The following IL1RN variants were observed in gnomAD, a reference collection of about 807,000 sequenced individuals.
The protein encoded by IL1RN is interleukin-1 receptor antagonist protein.
Under a neutral mutation model 13.7 loss-of-function variants are expected in IL1RN, and 10 were observed. That is an observed-to-expected ratio of 0.73 (90% CI 0.45 to 1.24). The LOEUF (loss-of-function observed/expected upper bound fraction) is 1.24, where lower values mean the gene tolerates loss of function less well. Ranked by LOEUF, IL1RN falls within the 50% of genes most tolerant of loss-of-function variation. IL1RN has a pLI of 0.00. For missense variants in IL1RN, 213 were observed against 222.1 expected (o/e 0.96, Z 0.26); for synonymous variants, 102 against 82.7 (o/e 1.23, Z -1.27).
chr2:113,114,407 C>T (rs1686553404), upstream of IL1RN, among the ~76,000 whole-genome samples: 1 of 26,016 alleles, frequency 3.8e-5, no homozygotes, highest in Non-Finnish European at 1.1e-4. Context: ...AGGCAGCTGC[C>T]CACCGTTAAG....
rs897212047 is a variant in IL1RN, at chr2:113,132,902, G to A, written c.*31G>A. ...CCCAGGCCTGCCTGTTCCCATTCTT[G>A]CATGGCAAGGACTGCAGGGACTGCC... is the stretch of plus-strand genomic sequence containing the variant. On this transcript the variant is annotated 3_prime_UTR_variant, in exon 4 of 4. Coordinates refer to ENST00000409930, the MANE Select transcript of IL1RN (RefSeq NM_173842.3). 6.2e-6 allele frequency: 10 copies of A among 1,603,522 alleles called. No individual in the cohort carries two copies. The African/African-American group carries it at 8.0e-5, about 13-fold the overall frequency.
At chr2:113,129,712 T>C (rs779287017) in intron 2 of IL1RN, 48 bp downstream of exon 2, 18 of 1,219,720 alleles carry the variant, frequency 1.5e-5, no homozygotes, top group Non-Finnish European at 2.1e-5. Flanking sequence ...CACGTCACTT[T>C]GCCCGTCTGT....
upstream of IL1RN, among the ~76,000 whole-genome samples, chr2:113,114,207 C>A (rs1436198909): frequency 6.6e-6 from 1 of 152,194 alleles, no homozygotes; most frequent in African/African-American, 2.4e-5. Context: ...TGTTATCATT[C>A]CTGCCTCTAT....
intron 1 of IL1RN, among the ~76,000 whole-genome samples, chr2:113,112,526 C>A (rs553001851): frequency 1.3e-5 from 2 of 152,252 alleles, no homozygotes; most frequent in East Asian, 3.9e-4. Context: ...GCCCCCCTCG[C>A]CCTGTAGGCT....
chr2:113,112,400 T>G (rs315932), intron 1 of IL1RN, among the ~76,000 whole-genome samples: 2 of 152,120 alleles, frequency 1.3e-5, no homozygotes, highest in Non-Finnish European at 2.9e-5. Flanking sequence ...AAGTTGCTAG[T>G]CCTTCCCGCC....
chr2:113,122,947 G>A (rs1686826826), upstream of IL1RN, among the ~76,000 whole-genome samples: 1 of 152,140 alleles, frequency 6.6e-6, no homozygotes, highest in Admixed American at 6.5e-5. Flanking sequence ...CTAACATAGT[G>A]AAACCCTGTC....
chr2:113,105,933 C>G (rs1490879358), upstream of IL1RN, among the ~76,000 whole-genome samples: 1 of 152,200 alleles, frequency 6.6e-6, no homozygotes, highest in Non-Finnish European at 1.5e-5. Flanking sequence ...ACATGTCACT[C>G]AATCACCTTC....
chr2:113,119,614 G>A (rs1431324538), intron 1 of IL1RN, among the ~76,000 whole-genome samples: 1 of 152,222 alleles, frequency 6.6e-6, no homozygotes, highest in African/African-American at 2.4e-5. Flanking sequence ...AATGTGTAAA[G>A]TAGGATGCTG....
intron 2 of IL1RN, chr2:113,129,980 C>A: frequency 2.6e-6 from 1 of 381,982 alleles, no homozygotes; most frequent in South Asian, 2.3e-5. Flanking sequence ...CCTATTAAGG[C>A]TCCATGTTCC....
chr2:113,114,159 T>C (rs1239893731), upstream of IL1RN, among the ~76,000 whole-genome samples: 6 of 152,192 alleles, frequency 3.9e-5, no homozygotes, highest in Non-Finnish European at 2.9e-5. Flanking sequence ...TATGAGAAGT[T>C]AAGGCAGTAG....
intron 2 of IL1RN, among the ~76,000 whole-genome samples, chr2:113,130,297 C>T (rs1218926560): frequency 2.0e-5 from 3 of 152,228 alleles, no homozygotes; most frequent in Non-Finnish European, 4.4e-5. Context: ...GGTTCTGTCT[C>T]CTGTGCCTCG....
upstream of IL1RN, among the ~76,000 whole-genome samples, chr2:113,113,680 T>C (rs1686540706): frequency 6.6e-6 from 1 of 152,076 alleles, no homozygotes; most frequent in Admixed American, 6.6e-5. Flanking sequence ...TTCATGAGAG[T>C]ATACTTATCC....
intron 2 of IL1RN, 68 bp from the exon 3 acceptor site, chr2:113,130,977 C>T: frequency 9.9e-7 from 1 of 1,007,432 alleles, no homozygotes. Context: ...TAGAAAAATA[C>T]CCGGGGTCTC....
Position 113,132,914 on chromosome 2 carries a change from C to G in IL1RN, c.*43C>G. 1 of 1,579,184 alleles carries G rather than the reference C, an allele frequency of 6.3e-7. No homozygotes were observed. The highest frequency in any genetic ancestry group is 8.7e-7 in the Non-Finnish European group (1 of 1,148,414). On this transcript the variant is annotated 3_prime_UTR_variant, in exon 4 of 4. Coordinates refer to ENST00000409930, the MANE Select transcript of IL1RN (RefSeq NM_173842.3). ...TGTTCCCATTCTTGCATGGCAAGGACTGCAGGGACTGCCAGTCCCCCTGCC... is the reference window on the plus strand; with the variant it reads ...TGTTCCCATTCTTGCATGGCAAGGAGTGCAGGGACTGCCAGTCCCCCTGCC...
upstream of IL1RN, among the ~76,000 whole-genome samples, chr2:113,125,210 A>G (rs965142435): frequency 6.7e-4 from 102 of 152,372 alleles, no homozygotes; most frequent in African/African-American, 2.4e-3. Flanking sequence ...GTGTGAGAAT[A>G]AAGTGATACA....
chr2:113,101,510 A>G, the IL1RN span, among the ~76,000 whole-genome samples: 1 of 152,198 alleles, frequency 6.6e-6, no homozygotes, highest in African/African-American at 2.4e-5. Flanking sequence ...AAGAAAGGCC[A>G]TTTTTACATT....
chr2:113,118,169 G>A, intron 1 of IL1RN: 1 of 1,334,516 alleles, frequency 7.5e-7, no homozygotes, highest in Admixed American at 1.8e-5. Context: ...AGGCCTGTCT[G>A]GGGGATCTGG....
chr2:113,130,352 C>T (rs550307968), intron 2 of IL1RN, among the ~76,000 whole-genome samples: 1 of 152,334 alleles, frequency 6.6e-6, no homozygotes, highest in East Asian at 1.9e-4. Flanking sequence ...TGGTAGTTCT[C>T]CTAATGAACA....
chr2:113,101,834 C>T, the IL1RN span, among the ~76,000 whole-genome samples: 1 of 152,088 alleles, frequency 6.6e-6, no homozygotes, highest in Non-Finnish European at 1.5e-5. Context: ...ATGGCGTGAT[C>T]TTGGCTCACT....
Sources: gnomAD v4.1 joint callset for allele counts (sites outside exome capture counted in the v4.1 genomes callset) on GRCh38, gnomAD v4.1.1 for gene constraint, MANE v1.5 for transcripts, NCBI Gene and HGNC (gene_info 2026-07-23, HGNC 2026-07-21) for gene names.